The following TAF6 variants were observed in gnomAD, a reference collection of about 807,000 sequenced individuals.
TAF6 encodes TATA-box binding protein associated factor 6, also known as transcription initiation factor TFIID subunit 6.
In TAF6, 50 loss-of-function variants were observed where a neutral mutation model predicts 73.5. The observed-to-expected ratio is 0.68, with a 90% CI of 0.54 to 0.86. The LOEUF (loss-of-function observed/expected upper bound fraction) is 0.86. Among genes scored for constraint, TAF6 ranks in the 40% least tolerant of loss-of-function variants. The pLI, the probability that TAF6 is intolerant of heterozygous loss-of-function variation, is 0.00. For missense variants in TAF6, 768 were observed against 899.5 expected, an observed-to-expected ratio of 0.85 and a Z score of 1.87; for synonymous variants, 424 against 376.7, an observed-to-expected ratio of 1.13 and a Z score of -1.45.
At chr7:100,122,827 A>C (rs1798110948), upstream of TAF6, 2 of 1,613,836 alleles carry the variant, frequency 1.2e-6, no homozygotes, top group Non-Finnish European at 1.7e-6. Flanking sequence ...CTAGTGCAGA[A>C]GGGGGTGAAG....
At chr7:100,116,539 T>A (rs1362244683) in intron 1 of TAF6, 2 of 152,054 alleles carry the variant, frequency 1.3e-5, no homozygotes, top group African/African-American at 4.8e-5. Context: ...CTCGGGAGGC[T>A]GAGGCAGAAG....
rs143500923 is a variant in TAF6 at position 100,114,128 on chromosome 7, T to C, written c.82A>G (p.Ile28Val). 2 of 1,614,098 alleles carry C rather than the reference T, an allele frequency of 1.2e-6. No homozygotes were observed. Among genetic ancestry groups the C allele is most frequent in the African/African-American group, 1.3e-5 (1 of 74,938 alleles). Reference protein sequence around the residue: ...SMKVVAESMGIAQIQEETCQL... With the variant: ...SMKVVAESMGVAQIQEETCQL... ...CAGGTCTCCTCCTGAATCTGGGCGA[T>C]GCCCATGGATTCAGCCACCACCTTC... Residue 28 changes from isoleucine (I) to valine (V), a missense_variant, in exon 2 of 15, where the codon ATC (isoleucine) becomes GTC (valine). Physicochemically the swap from Ile to Val is conservative, Grantham distance 29. Around this residue, in one of 5 missense-constraint regions of TAF6, gnomAD observed 269 missense variants for 268.0 expected, o/e 1.00. Coordinates refer to ENST00000453269, the MANE Select transcript of TAF6 (RefSeq NM_139315.3).
chr7:100,112,920 G>GAACACA lies in TAF6; in HGVS notation c.455-4_455-3insTGTGTT. Reference sequence around the variant, plus strand: ...AGCCTTCTGTTGCTCTTTGGGAGCTGGTGGGAAAGCAGGCACAGCGGGAGG... The same window carrying GAACACA: ...AGCCTTCTGTTGCTCTTTGGGAGCTGAACACAGTGGGAAAGCAGGCACAGCGGGAGG... On this transcript the variant is annotated splice_polypyrimidine_tract_variant and splice_region_variant and intron_variant, in intron 5 of 14. Coordinates refer to ENST00000453269, the MANE Select transcript of TAF6 (RefSeq NM_139315.3). 1 of 1,611,694 alleles carries GAACACA rather than the reference G, an allele frequency of 6.2e-7. No homozygotes were observed. Among genetic ancestry groups the GAACACA allele is most frequent in the African/African-American group, 1.3e-5 (1 of 74,726 alleles).
At chr7:100,118,648 C>G (rs921642339) in intron 1 of TAF6, 1 of 164,296 alleles carries the variant, frequency 6.1e-6, no homozygotes, top group African/African-American at 2.4e-5. Context: ...CAGACGGAAA[C>G]CCTGTCTCAA....
In TAF6 at chr7:100,107,390, G is replaced by C. The variant is rs772812112; in HGVS notation, c.1890C>G (p.Pro630=). Residue 630 remains proline (P), a synonymous_variant, in exon 15 of 15, where the codon CCC becomes CCG. Coordinates refer to ENST00000453269, the MANE Select transcript of TAF6 (RefSeq NM_139315.3). ...TGAGTGGGGACGGGGACGATGCCGG[G>C]GGAGGAACTGGAGAAGGATGGGAGG... is the stretch of plus-strand genomic sequence containing the variant. ...GPTSHPSPVP[P]PASSPSPLSG... The C allele has an allele frequency of 1.3e-6, 2 of 1,598,060 alleles. No individual in the cohort carries two copies. Among genetic ancestry groups the C allele is most frequent in the African/African-American group, 2.7e-5 (2 of 74,496 alleles).
At chr7:100,122,455 A>G, upstream of TAF6, 1 of 1,613,942 alleles carries the variant, frequency 6.2e-7, no homozygotes, top group Non-Finnish European at 8.5e-7. Context: ...GCATCCAGGG[A>G]ATCTTTGTTT....
chr7:100,112,629 C>T (rs546746305), intron 6 of TAF6, among the ~76,000 whole-genome samples, 169 bp downstream of exon 6: 1 of 152,042 alleles, frequency 6.6e-6, no homozygotes, highest in Non-Finnish European at 1.5e-5. Context: ...GCAGGAGAAT[C>T]GCTTGAACCC....
At chr7:100,122,126 G>C, upstream of TAF6, 1 of 1,086,168 alleles carries the variant, frequency 9.2e-7, no homozygotes, top group Non-Finnish European at 1.3e-6. Flanking sequence ...AAATGGCTGA[G>C]CCAGGATTCC....
In TAF6 at chr7:100,119,252, G is replaced by C. The variant is rs1354952067; in HGVS notation, c.-108C>G. 13 of 1,011,352 alleles carry C rather than the reference G, an allele frequency of 1.3e-5. No individual in the cohort carries two copies. Among genetic ancestry groups the C allele is most frequent in the Non-Finnish European group, 1.5e-5 (13 of 845,196 alleles). The allele number at this position is 1,011,352 out of a possible 1,614,324, so 62.6% of individuals were successfully genotyped here. ...GGGACCTTCAAAGGGTCTCCTCCGGGGTACCACTCAGACCCGCCCCCGCCA... is the reference window on the plus strand; with the variant it reads ...GGGACCTTCAAAGGGTCTCCTCCGGCGTACCACTCAGACCCGCCCCCGCCA... On this transcript the variant is annotated 5_prime_UTR_variant, in exon 1 of 15. Coordinates refer to ENST00000453269, the MANE Select transcript of TAF6 (RefSeq NM_139315.3).
intron 1 of TAF6, chr7:100,118,891 C>T: frequency 1.0e-6 from 1 of 985,308 alleles, no homozygotes; most frequent in South Asian, 4.7e-5. Flanking sequence ...CTGTGCCTGG[C>T]GCCGGGTTTA....
chr7:100,125,872 CG>C, the TAF6 span, among the ~76,000 whole-genome samples: 1 of 152,108 alleles, frequency 6.6e-6, no homozygotes, highest in Non-Finnish European at 1.5e-5. Context: ...GGAGAAACCT[CG>C]TCTCTACCAA....
rs1470198603 is a variant in TAF6, at chr7:100,113,367, G to C, written c.436C>G (p.Pro146Ala). Reference protein sequence around the residue: ...LSIEGCQPAIPENPPPAPKEQ... With the variant: ...LSIEGCQPAIAENPPPAPKEQ... ...AGGTTACCTGGGGGCGGGTTCTCGG[G>C]GATAGCTGGCTGGCAGCCCTCGATG... The change falls in exon 5 of 15, where the codon CCC becomes GCC. Residue 146 changes from proline to alanine, a missense_variant. This residue lies in a region of TAF6 where 269 missense variants were observed against 268.0 expected (regional missense o/e 1.00). Coordinates refer to ENST00000453269, the MANE Select transcript of TAF6 (RefSeq NM_139315.3). 1 of 1,595,768 alleles carries C rather than the reference G, an allele frequency of 6.3e-7. No homozygotes were observed. The highest frequency in any genetic ancestry group is 1.1e-5 in the South Asian group (1 of 89,334).
At chr7:100,119,071 C>G (rs1797921589) in intron 1 of TAF6, 133 bp downstream of exon 1, 1 of 986,170 alleles carries the variant, frequency 1.0e-6, no homozygotes, top group Admixed American at 6.1e-5. Context: ...TAAGCGAGAT[C>G]CCAGCAGAGA....
rs1312984473 is a variant in TAF6, at chr7:100,114,592, C to T, written c.-59-324G>A. 1.1e-5 allele frequency: 6 copies of T among 547,916 alleles called. No homozygotes were observed. The East Asian group carries it at 1.5e-4, about 14-fold the overall frequency. 33.9% of individuals were successfully genotyped at this position (547,916 alleles called of 1,614,324 possible). On this transcript the variant is annotated intron_variant, in intron 1 of 14. Transcript: ENST00000453269. ...AAAATTAGCAGGGCGTGGTAGTGCA[C>T]ACCTGTAATCCCAGCTACTAGGGAG...
At chr7:100,124,825 G>C (rs1343920773), upstream of TAF6, 5 of 1,612,834 alleles carry the variant, frequency 3.1e-6, no homozygotes, top group Non-Finnish European at 3.4e-6. Context: ...AGGAGGAAGA[G>C]GAAGGGGGAG....
intron 12 of TAF6, among the ~76,000 whole-genome samples, chr7:100,109,416 C>T (rs1796949615): frequency 6.6e-6 from 1 of 152,020 alleles, no homozygotes; most frequent in Admixed American, 6.6e-5. Flanking sequence ...ATCAAGAGCG[C>T]ATTTGCCTTG....
intron 13 of TAF6, 58 bp downstream of exon 13, chr7:100,108,309 C>T: frequency 6.5e-7 from 1 of 1,540,048 alleles, no homozygotes; most frequent in Non-Finnish European, 8.7e-7. Context: ...AAGTGCCTGT[C>T]CCACACAGGG....
At chr7:100,107,715 C>A in intron 14 of TAF6, 92 bp from the exon 15 acceptor site, 1 of 1,525,960 alleles carries the variant, frequency 6.6e-7, no homozygotes. Context: ...CCTGCCTGAA[C>A]AAGTTGTTCC....
chr7:100,107,733 C>T, intron 14 of TAF6, 110 bp from the exon 15 acceptor site: 2 of 1,487,432 alleles, frequency 1.3e-6, no homozygotes, highest in South Asian at 1.3e-5. Context: ...TCCTGTAGTT[C>T]ACCCTGTAGA....
Sources: allele counts gnomAD v4.1 joint callset (sites outside exome capture counted in the v4.1 genomes callset), GRCh38; gene constraint gnomAD v4.1.1; regional missense constraint gnomAD v4.1.1; transcripts MANE v1.5; gene names NCBI Gene and HGNC (gene_info 2026-07-23, HGNC 2026-07-21).